Variants in FLRT3 observed in about 807,000 individuals in gnomAD.
FLRT3 encodes fibronectin leucine rich transmembrane protein 3, also known as leucine-rich repeat transmembrane protein FLRT3.
In FLRT3, 17 loss-of-function variants were observed where a neutral mutation model predicts 42.6. The ratio of observed to expected loss-of-function variants is 0.40; its 90% CI spans 0.27 to 0.60. FLRT3 has a LOEUF of 0.60. Ranked by LOEUF, FLRT3 falls within the 20% of genes least tolerant of loss-of-function variation. FLRT3 has a pLI of 0.44. For missense variants in FLRT3, 635 were observed against 789.2 expected, an observed-to-expected ratio of 0.80 and a Z score of 2.34; for synonymous variants, 279 against 286.4, an observed-to-expected ratio of 0.97 and a Z score of 0.26.
chr20:14,331,045 A>C lies in FLRT3; in HGVS notation c.-246-1718T>G, dbSNP rs186823155. 1.0e-3 allele frequency among the ~76,000 whole-genome samples: 159 copies of C among 152,232 alleles called. 1 individual carries two copies. Among genetic ancestry groups the C allele is most frequent in the African/African-American group, 3.7e-3 (154 of 41,564 alleles). Reference sequence around the variant, plus strand: ...AATAACAAGTGAGAACCTGCTTAAAATGTTACCAAGAGTCAAGCATTTCTG... The same window carrying C: ...AATAACAAGTGAGAACCTGCTTAAACTGTTACCAAGAGTCAAGCATTTCTG... On this transcript the variant is annotated intron_variant, in intron 1 of 2. Coordinates refer to ENST00000341420, the MANE Select transcript of FLRT3 (RefSeq NM_198391.3).
chr20:14,329,830 C>T (rs2082801270), intron 1 of FLRT3, among the ~76,000 whole-genome samples: 2 of 151,770 alleles, frequency 1.3e-5, no homozygotes, highest in Admixed American at 1.3e-4. Flanking sequence ...TGCTTAGTGC[C>T]CTGTTTGATT....
chr20:14,326,095 G>T lies in FLRT3; in HGVS notation c.1412C>A (p.Pro471His), dbSNP rs770973933. 2 of 1,613,928 alleles carry T rather than the reference G, an allele frequency of 1.2e-6. No homozygotes were observed. Among genetic ancestry groups the T allele is most frequent in the South Asian group, 2.2e-5 (2 of 91,084 alleles). ...CATGCATACTTTATAGGGTGAATCA[G>T]GCTCCAGGGCTGTGACCAAGTACTC... ...RSEYLVTALE[P>H]DSPYKVCMVP... is the part of the protein sequence containing the mutation. Residue 471 changes from proline to histidine, a missense_variant, in exon 3 of 3, where the codon CCT becomes CAT. Transcript: ENST00000341420. This position sits in a 1 kb window ranked among gnomAD's most constrained non-coding sequence, Gnocchi z 5.5.
chr20:14,326,816 A>T lies in FLRT3; in HGVS notation c.691T>A (p.Ser231Thr). ...FFNLVNLTELSLVRNSLTAAP... is the reference protein window; with the variant it reads ...FFNLVNLTELTLVRNSLTAAP... ...GCAGTCAGGGAATTCCGCACCAGGG[A>T]CAGCTCTGTCAAATTAACTAGGTTG... Residue 231 changes from serine to threonine, a missense_variant, in exon 3 of 3, where the codon TCC becomes ACC. Physicochemically the swap from Ser to Thr is moderately conservative, Grantham distance 58 (BLOSUM62 1). Transcript: ENST00000341420. The surrounding 1 kb of genome is among the most constrained non-coding windows in gnomAD (Gnocchi z 5.5). 1 of 1,613,784 alleles carries T rather than the reference A, an allele frequency of 6.2e-7. No homozygotes were observed. The highest frequency in any genetic ancestry group is 8.5e-7 in the Non-Finnish European group (1 of 1,179,804).
chr20:14,330,945 A>C (rs2082825199), intron 1 of FLRT3, among the ~76,000 whole-genome samples: 1 of 152,150 alleles, frequency 6.6e-6, no homozygotes, highest in African/African-American at 2.4e-5. Flanking sequence ...ATATAAAATA[A>C]TGTGGTTAAT....
Position 14,325,434 on chromosome 20 carries a change from G to GTACA in FLRT3, c.*119_*122dup. 1 of 1,011,146 alleles carries GTACA rather than the reference G, an allele frequency of 9.9e-7. No individual in the cohort carries two copies. The highest frequency in any genetic ancestry group is 1.4e-6 in the Non-Finnish European group (1 of 693,744). 62.6% of individuals were successfully genotyped at this position (1,011,146 alleles called of 1,614,324 possible). Reference sequence around the variant, plus strand: ...CTTAAATATAAATTATATGGCAAATGTACAGTACATTGCTTTTTTTCAGTC... The same window carrying GTACA: ...CTTAAATATAAATTATATGGCAAATGTACATACAGTACATTGCTTTTTTTCAGTC... On this transcript the variant is annotated 3_prime_UTR_variant, in exon 3 of 3. Coordinates refer to ENST00000341420, the MANE Select transcript of FLRT3 (RefSeq NM_198391.3).
chr20:14,327,907 C>T (rs2082764505), intron 2 of FLRT3, among the ~76,000 whole-genome samples: 2 of 151,804 alleles, frequency 1.3e-5, no homozygotes, highest in Admixed American at 6.6e-5. Context: ...ATTGAATATC[C>T]ATTTCTTACT....
At position 14,326,434 on chromosome 20, in the gene FLRT3, C is replaced by T; in HGVS notation, c.1073G>A (p.Ser358Asn). Residue 358 changes from serine to asparagine, a missense_variant, in exon 3 of 3, where the codon AGT becomes AAT. Coordinates refer to ENST00000341420, the MANE Select transcript of FLRT3 (RefSeq NM_198391.3). This position sits in a 1 kb window ranked among gnomAD's most constrained non-coding sequence, Gnocchi z 5.5. The part of the protein sequence containing the change: ...LNAELFDCKD[S>N]GIVSTIQITT... ...TATCTGAATGGTGCTTACAATCCCA[C>T]TGTCCTTACAATCAAACAGTTCTGC... 6.2e-7 allele frequency: 1 copy of T among 1,613,890 alleles called. No individual in the cohort carries two copies. Among genetic ancestry groups the T allele is most frequent in the South Asian group, 1.1e-5 (1 of 91,084 alleles).
rs922598067 is a variant in FLRT3 at position 14,330,140 on chromosome 20, C to T, written c.-246-813G>A. ...CATCAAAACCAGGTGGGGCATTTCT[C>T]TCTAGGTTCATACATGAATATTGCC... On this transcript the variant is annotated intron_variant, in intron 1 of 2. Coordinates refer to ENST00000341420, the MANE Select transcript of FLRT3 (RefSeq NM_198391.3). Among the ~76,000 whole-genome samples the T allele has an allele frequency of 2.6e-5, 4 of 152,014 alleles. No individual in the cohort carries two copies. In the East Asian group the frequency reaches 5.8e-4, roughly 22 times the overall value.
rs541810428 is a variant in FLRT3 at position 14,326,523 on chromosome 20, G to A, written c.984C>T (p.Asn328=). The A allele has an allele frequency of 1.7e-5, 28 of 1,613,868 alleles. No individual in the cohort carries two copies. The highest frequency in any genetic ancestry group is 2.7e-5 in the African/African-American group (2 of 75,010). Residue 328 remains asparagine (N), a synonymous_variant, in exon 3 of 3, where the codon AAC becomes AAT. Transcript: ENST00000341420. The surrounding 1 kb of genome is among the most constrained non-coding windows in gnomAD (Gnocchi z 5.5). ...GGGCTTGGCACATGAGCCCACGCACGTTGACCTTCACAGGTAGTGATTGTA... is the reference window on the plus strand; with the variant it reads ...GGGCTTGGCACATGAGCCCACGCACATTGACCTTCACAGGTAGTGATTGTA... ...DWLQSLPVKV[N]VRGLMCQAPE...
chr20:14,335,675 T>C (rs1440865394), intron 1 of FLRT3, among the ~76,000 whole-genome samples: 2 of 152,176 alleles, frequency 1.3e-5, no homozygotes, highest in South Asian at 2.1e-4. Context: ...TAGTAACTGG[T>C]AGACAGTTTT....
chr20:14,327,591 C>T (rs920144067), intron 2 of FLRT3, 33 bp from the exon 3 acceptor site: 1 of 1,395,404 alleles, frequency 7.2e-7, no homozygotes, highest in Admixed American at 2.7e-5. Context: ...AGACAGAAAA[C>T]AATAAGGCCA....
At position 14,323,575 on chromosome 20, in the gene FLRT3, T is replaced by A. The variant is rs375651284; in HGVS notation, c.*1982A>T. The stretch of plus-strand genomic sequence containing the variant: ...ACTTCGCCCTCTCTGGAGGTTAGGG[T>A]TTGGGGTTGTAAGTCCCAACCCTAT... On this transcript the variant is annotated 3_prime_UTR_variant, in exon 3 of 3. Transcript: ENST00000341420. 8 of 152,168 alleles carry A rather than the reference T, an allele frequency of 5.3e-5. No homozygotes were observed. The highest frequency in any genetic ancestry group is 1.4e-4 in the African/African-American group (6 of 41,440). 9.4% of individuals were successfully genotyped at this position (152,168 alleles called of 1,614,324 possible). A position where few individuals can be genotyped will look rare whatever the true frequency, so the allele number is the denominator to read the frequency against.
In FLRT3 at chr20:14,334,404, AT is replaced by A. The variant is rs567938170; in HGVS notation, c.-247+2999del. 8.6e-3 allele frequency among the ~76,000 whole-genome samples: 1,307 copies of A among 152,340 alleles called. 6 individuals are homozygous for A. The highest frequency in any genetic ancestry group is 0.02 in the Middle Eastern group (6 of 294). On this transcript the variant is annotated intron_variant, in intron 1 of 2. Coordinates refer to ENST00000341420, the MANE Select transcript of FLRT3 (RefSeq NM_198391.3). ...TGTTGACTTTCAGTAAATTTTTGAA[AT>A]GGTGGAATGTTAGAAGGAGCTGAGA...
At chr20:14,332,413 A>G (rs996112859) in intron 1 of FLRT3, among the ~76,000 whole-genome samples, 4 of 152,062 alleles carry the variant, frequency 2.6e-5, no homozygotes, top group African/African-American at 9.7e-5. Flanking sequence ...TGCTACTACA[A>G]TATTTTGGAG....
Position 14,327,415 on chromosome 20 carries a change from C to T in FLRT3, c.92G>A (p.Cys31Tyr). Residue 31 changes from cysteine (C) to tyrosine (Y), a missense_variant, in exon 3 of 3, where the codon TGT (cysteine) becomes TAT (tyrosine). Coordinates refer to ENST00000341420, the MANE Select transcript of FLRT3 (RefSeq NM_198391.3). ...CGCATCGCAGCGACACACAGATGGA[C>T]AGGATTTAGCCATAACTGATAGAGG... ...VAPLSVMAKS[C>Y]PSVCRCDAGF... is the part of the protein sequence containing the mutation. The T allele has an allele frequency of 6.2e-7, 1 of 1,613,618 alleles. No individual in the cohort carries two copies. The highest frequency in any genetic ancestry group is 1.1e-5 in the South Asian group (1 of 91,084).
At chr20:14,337,368 G>T in intron 1 of FLRT3, 36 bp downstream of exon 1, 6 of 316,458 alleles carry the variant, frequency 1.9e-5, no homozygotes, top group East Asian at 4.6e-5. Context: ...CAAACTTTCT[G>T]GGACAATCAT....
chr20:14,327,943 G>A (rs1400546614), intron 2 of FLRT3, among the ~76,000 whole-genome samples: 1 of 151,472 alleles, frequency 6.6e-6, no homozygotes, highest in Non-Finnish European at 1.5e-5. Context: ...GTAACACCTT[G>A]GAATATTATT....
chr20:14,336,411 T>G (rs1007954746), intron 1 of FLRT3, among the ~76,000 whole-genome samples: 3 of 152,134 alleles, frequency 2.0e-5, no homozygotes, highest in Non-Finnish European at 4.4e-5. Context: ...ATGGGCCTGT[T>G]GCACTCTTTA....
chr20:14,333,295 C>A (rs543486080), intron 1 of FLRT3, among the ~76,000 whole-genome samples: 3 of 152,084 alleles, frequency 2.0e-5, no homozygotes, highest in Non-Finnish European at 4.4e-5. Context: ...TTATTTTCCC[C>A]GGTACGTTTC....
Sources: gnomAD v4.1 joint callset for allele counts (sites outside exome capture counted in the v4.1 genomes callset) on GRCh38, gnomAD v4.1.1 for gene constraint, Gnocchi (gnomAD v3.1) non-coding constraint, MANE v1.5 for transcripts, NCBI Gene and HGNC (gene_info 2026-07-23, HGNC 2026-07-21) for gene names.